INSR: variants seen among roughly 807,000 people sequenced by gnomAD.
INSR encodes the protein IR.
Under a neutral mutation model 142.6 loss-of-function variants are expected in INSR, and 67 were observed. The observed-to-expected ratio is 0.47, with a 90% CI of 0.39 to 0.58. The LOEUF (loss-of-function observed/expected upper bound fraction) is 0.58. Among genes scored for constraint, INSR ranks in the 20% least tolerant of loss-of-function variants. The pLI is 0.00. For missense variants in INSR, 1,248 were observed against 1,833.2 expected (o/e 0.68, Z 5.83); for synonymous variants, 756 against 743.1 (o/e 1.02, Z -0.28).
chr19:7,212,957 T>G (rs943098749), intron 2 of INSR, among the ~76,000 whole-genome samples: 2 of 152,130 alleles, frequency 1.3e-5, no homozygotes, highest in Non-Finnish European at 2.9e-5. Flanking sequence ...CTCAGTGAAT[T>G]CCTACAGCAC....
chr19:7,203,322 C>A (rs905197384), intron 2 of INSR, among the ~76,000 whole-genome samples: 1 of 152,104 alleles, frequency 6.6e-6, no homozygotes, highest in East Asian at 1.9e-4. Context: ...AAACGCCTCG[C>A]GCCTTGAATT....
chr19:7,224,071 G>A (rs1246807113), intron 2 of INSR, among the ~76,000 whole-genome samples: 1 of 151,788 alleles, frequency 6.6e-6, no homozygotes, highest in Non-Finnish European at 1.5e-5. Flanking sequence ...TCAGCCTCCA[G>A]TAGCTGGGAC....
intron 5 of INSR, among the ~76,000 whole-genome samples, chr19:7,171,543 G>A (rs1974015267): frequency 6.6e-6 from 1 of 152,044 alleles, no homozygotes; most frequent in Admixed American, 6.6e-5. Context: ...GAGTTTCTAG[G>A]ACCTCAAGGA....
chr19:7,148,857 C>G (rs1024703793), intron 11 of INSR, among the ~76,000 whole-genome samples: 1 of 148,922 alleles, frequency 6.7e-6, no homozygotes, highest in African/African-American at 2.5e-5. Context: ...TGCAGTGGCA[C>G]GATCTTGGCT....
At chr19:7,177,253 AG>A (rs1311763093) in intron 3 of INSR, among the ~76,000 whole-genome samples, 2 of 152,150 alleles carry the variant, frequency 1.3e-5, no homozygotes, top group Non-Finnish European at 2.9e-5. Context: ...CAGTGCAGTG[AG>A]GGTTTTGCTA....
rs1468108103 is a variant in INSR, at chr19:7,192,130, GAAGA to G, written c.653-7497_653-7494del. Among the ~76,000 whole-genome samples, 3 of 141,042 alleles carry G rather than the reference GAAGA, an allele frequency of 2.1e-5. No individual in the cohort carries two copies. The highest frequency in any genetic ancestry group is 5.3e-5 in the African/African-American group (2 of 37,788). 92.5% of individuals were successfully genotyped at this position (141,042 alleles called of 152,430 possible). ...AAAAAAGAAAAGAAAGAGGGAGAAA[GAAGA>G]AAGATAAGAGAGAGAGAAAGAGAAA... On this transcript the variant is annotated intron_variant, in intron 2 of 21. Transcript: ENST00000302850. The surrounding 1 kb of genome is among the most constrained non-coding windows in gnomAD (Gnocchi z 4.2).
At chr19:7,236,981 C>T (rs1411072924) in intron 2 of INSR, among the ~76,000 whole-genome samples, 4 of 149,042 alleles carry the variant, frequency 2.7e-5, no homozygotes, top group Non-Finnish European at 5.9e-5. Context: ...GAGCCGAGAT[C>T]GCGCCACTGC....
At position 7,220,135 on chromosome 19, in the gene INSR, G is replaced by A. The variant is rs552826496; in HGVS notation, c.653-35498C>T. Among the ~76,000 whole-genome samples, 6 of 152,298 alleles carry A rather than the reference G, an allele frequency of 3.9e-5. No homozygotes were observed. The South Asian group carries it at 1.0e-3, about 26-fold the overall frequency. On this transcript the variant is annotated intron_variant, in intron 2 of 21. Coordinates refer to ENST00000302850, the MANE Select transcript of INSR (RefSeq NM_000208.4). ...ATAGAGTCCACACAATGAGGTCTGA[G>A]TGGCTTCCCAAGCAAAATATGATTC...
At chr19:7,197,514 G>GTGTGTGTGTGTGTGTGTGT (rs1974787439) in intron 2 of INSR, among the ~76,000 whole-genome samples, 1 of 26,948 alleles carries the variant, frequency 3.7e-5, no homozygotes. Flanking sequence ...AGTGGGAGTG[G>GTGTGTGTGTGTGTGTGTGT]GGGTGTGTGT....
chr19:7,267,247 T>G lies in INSR; in HGVS notation c.652+98A>C. The G allele has an allele frequency of 7.6e-7, 1 of 1,318,848 alleles. No individual in the cohort carries two copies. Among genetic ancestry groups the G allele is most frequent in the East Asian group, 2.4e-5 (1 of 42,392 alleles). The allele number at this position is 1,318,848 out of a possible 1,614,324, so 81.7% of individuals were successfully genotyped here. On this transcript the variant is annotated intron_variant, in intron 2 of 21. Transcript: ENST00000302850. This position sits in a 1 kb window ranked among gnomAD's most constrained non-coding sequence, Gnocchi z 6.3. ...CCACCACCCACTATTCCCCGGCCCC[T>G]ACCTAATGACCATTTAACATTTTTA...
intron 8 of INSR, among the ~76,000 whole-genome samples, chr19:7,164,828 A>G (rs1973853615): frequency 7.6e-5 from 2 of 26,390 alleles, no homozygotes; most frequent in Non-Finnish European, 1.5e-4. Context: ...CTCCATCTCA[A>G]AAAAAAAAAA....
intron 1 of INSR, among the ~76,000 whole-genome samples, chr19:7,282,015 C>T (rs999348230): frequency 2.6e-5 from 4 of 152,126 alleles, no homozygotes; most frequent in East Asian, 1.9e-4. Flanking sequence ...CCAGTCTGTA[C>T]GTGGCACCGC....
chr19:7,222,248 A>G (rs574668446), intron 2 of INSR, among the ~76,000 whole-genome samples: 1 of 151,868 alleles, frequency 6.6e-6, no homozygotes, highest in East Asian at 1.9e-4. Context: ...GGCACTTTGG[A>G]CCGCAGCCTG....
At chr19:7,253,119 A>AAAG (rs1976782651) in intron 2 of INSR, among the ~76,000 whole-genome samples, 1 of 151,736 alleles carries the variant, frequency 6.6e-6, no homozygotes, top group African/African-American at 2.4e-5. Context: ...GCCAAAAAAA[A>AAAG]AAAATAGAAG....
At chr19:7,171,084 T>A (rs1216175833) in intron 5 of INSR, among the ~76,000 whole-genome samples, 1 of 152,102 alleles carries the variant, frequency 6.6e-6, no homozygotes, top group African/African-American at 2.4e-5. Context: ...AAGAGCAAAG[T>A]AGCCTGTTTT....
intron 9 of INSR, 103 bp from the exon 10 acceptor site, chr19:7,153,030 A>ACT: frequency 2.2e-6 from 1 of 461,322 alleles, no homozygotes; most frequent in Non-Finnish European, 3.6e-6. Context: ...CACACACCAC[A>ACT]CACACACACA....
At chr19:7,270,312 T>C (rs1200571454) in intron 1 of INSR, among the ~76,000 whole-genome samples, 2 of 142,704 alleles carry the variant, frequency 1.4e-5, no homozygotes, top group Non-Finnish European at 3.0e-5. Flanking sequence ...ACACTATATT[T>C]CATTTCTCTC....
intron 2 of INSR, among the ~76,000 whole-genome samples, chr19:7,232,169 G>A (rs1416596668): frequency 6.6e-6 from 1 of 151,868 alleles, no homozygotes; most frequent in Admixed American, 6.6e-5. Context: ...TATATTTTTT[G>A]TCAAAATTCA....
chr19:7,140,691 T>G (rs1195759758), intron 13 of INSR, among the ~76,000 whole-genome samples: 2 of 152,158 alleles, frequency 1.3e-5, no homozygotes, highest in Non-Finnish European at 2.9e-5. Context: ...GGAATGCATC[T>G]TACAAGCAAT....
Sources: allele counts gnomAD v4.1 joint callset (sites outside exome capture counted in the v4.1 genomes callset), GRCh38; gene constraint gnomAD v4.1.1; non-coding constraint Gnocchi (gnomAD v3.1); transcripts MANE v1.5; gene names NCBI Gene and HGNC (gene_info 2026-07-23, HGNC 2026-07-21).